The following PLEKHM1 variants were observed in gnomAD, a reference collection of about 807,000 sequenced individuals.
PLEKHM1 encodes pleckstrin homology and RUN domain containing M1.
PLEKHM1 carries 28 observed loss-of-function variants against 94.3 expected under a neutral mutation model. The ratio of observed to expected loss-of-function variants is 0.30; its 90% CI spans 0.22 to 0.41. The LOEUF is 0.41. Ranked by LOEUF, PLEKHM1 falls within the 10% of genes least tolerant of loss-of-function variation. The probability of loss-of-function intolerance (pLI) is 1.00; values close to 1 mark genes in which losing one functional copy is unlikely to be tolerated. For synonymous variants in PLEKHM1, 424 were observed against 581.2 expected, an observed-to-expected ratio of 0.73 and a Z score of 3.89; for missense variants, 907 against 1,358.6, an observed-to-expected ratio of 0.67 and a Z score of 5.22.
chr17:45,449,061 T>G (rs568157946), intron 8 of PLEKHM1, among the ~76,000 whole-genome samples: 2 of 152,180 alleles, frequency 1.3e-5, no homozygotes, highest in Non-Finnish European at 2.9e-5. Flanking sequence ...AACTTTAAAA[T>G]GTTAAACAAT....
rs1029541152 is a variant in PLEKHM1, at chr17:45,436,761, G to T, written c.*1097C>A. On this transcript the variant is annotated 3_prime_UTR_variant, in exon 12 of 12. Coordinates refer to ENST00000430334, the MANE Select transcript of PLEKHM1 (RefSeq NM_014798.3). ...CTGGGCAAGTTCAGTGATGCTTTGG[G>T]AATTCATGGCTTTGTGAGGTGGTGG... 2.2e-6 allele frequency: 1 copy of T among 454,154 alleles called. No individual in the cohort carries two copies. 28.1% of individuals were successfully genotyped at this position (454,154 alleles called of 1,614,324 possible).
chr17:45,435,862 CT>C (rs1267895176), downstream of PLEKHM1: 5 of 429,376 alleles, frequency 1.2e-5, no homozygotes, highest in Non-Finnish European at 2.4e-5. Context: ...GGTCTCCCCC[CT>C]GGCCGTGGCA....
chr17:45,461,375 A>G (rs544751581), intron 5 of PLEKHM1, among the ~76,000 whole-genome samples: 10 of 152,240 alleles, frequency 6.6e-5, no homozygotes, highest in African/African-American at 9.6e-5. Flanking sequence ...TCTGGAGCAC[A>G]TAAGTTGTTA....
At chr17:45,489,422 C>T (rs1275679311) in intron 1 of PLEKHM1, among the ~76,000 whole-genome samples, 2 of 152,156 alleles carry the variant, frequency 1.3e-5, no homozygotes, top group Non-Finnish European at 2.9e-5. Context: ...CTCTCCAGGG[C>T]GAGAACACCA....
At position 45,454,043 on chromosome 17, in the gene PLEKHM1, C is replaced by T. The variant is rs1326051573; in HGVS notation, c.1809G>A (p.Leu603=). Residue 603 remains leucine, a synonymous_variant, in exon 7 of 12, where the codon CTG becomes CTA. Transcript: ENST00000430334. ...CGTCCTGGGAGGAGGCGCGCAGGGC[C>T]AGCTTCTTGCCAGAGAAGACCAGCT... ...RFELVFSGKK[L]ALRASSQDEA... is the part of the protein sequence containing the mutation. 3.7e-6 allele frequency: 6 copies of T among 1,614,052 alleles called. No individual in the cohort carries two copies. Among genetic ancestry groups the T allele is most frequent in the Non-Finnish European group, 4.2e-6 (5 of 1,180,016 alleles).
chr17:45,466,336 G>A (rs1439756772), intron 5 of PLEKHM1, among the ~76,000 whole-genome samples: 2 of 152,160 alleles, frequency 1.3e-5, no homozygotes, highest in East Asian at 1.9e-4. Context: ...AGATCCTTGG[G>A]GGAGATGAAT....
chr17:45,437,788 T>C lies in PLEKHM1; in HGVS notation c.*70A>G. The C allele has an allele frequency of 8.0e-7, 1 of 1,242,938 alleles. No individual in the cohort carries two copies. The highest frequency in any genetic ancestry group is 1.2e-6 in the Non-Finnish European group (1 of 842,620). The allele number at this position is 1,242,938 out of a possible 1,614,324, so 77.0% of individuals were successfully genotyped here. On this transcript the variant is annotated 3_prime_UTR_variant, in exon 12 of 12. Coordinates refer to ENST00000430334, the MANE Select transcript of PLEKHM1 (RefSeq NM_014798.3). This position sits in a 1 kb window ranked among gnomAD's most constrained non-coding sequence, Gnocchi z 4.0. The stretch of plus-strand genomic sequence containing the variant: ...TGACACGGTGAGTATCCTGGGCTGA[T>C]GGCAAACCCAGCCGGGATGGCTGAG...
chr17:45,472,649 T>G (rs538431993), intron 4 of PLEKHM1, among the ~76,000 whole-genome samples: 1 of 152,280 alleles, frequency 6.6e-6, no homozygotes, highest in East Asian at 1.9e-4. Flanking sequence ...TCTATCTAAA[T>G]TCCTCCATTT....
intron 5 of PLEKHM1, among the ~76,000 whole-genome samples, chr17:45,465,796 C>T (rs569510521): frequency 6.6e-6 from 1 of 151,968 alleles, no homozygotes; most frequent in Non-Finnish European, 1.5e-5. Context: ...TGGGTCAGAG[C>T]TTAGTGAGCA....
intron 2 of PLEKHM1, among the ~76,000 whole-genome samples, chr17:45,480,144 T>C (rs2051901430): frequency 6.6e-6 from 1 of 152,238 alleles, no homozygotes; most frequent in Non-Finnish European, 1.5e-5. Flanking sequence ...CAATTGTTTC[T>C]AGTATATTCA....
At chr17:45,483,868 C>T (rs1051757872) in intron 1 of PLEKHM1, among the ~76,000 whole-genome samples, 11 of 152,170 alleles carry the variant, frequency 7.2e-5, no homozygotes, top group African/African-American at 2.4e-4. Flanking sequence ...TAGGAAAACC[C>T]GATTCCTGAG....
At chr17:45,441,501 G>A (rs2050445655) in intron 9 of PLEKHM1, among the ~76,000 whole-genome samples, 1 of 152,226 alleles carries the variant, frequency 6.6e-6, no homozygotes, top group Non-Finnish European at 1.5e-5. Context: ...GGACACAGCA[G>A]GCTGGGGGGA....
rs751177369 is a variant in PLEKHM1, at chr17:45,440,239, C to T, written c.2838-13G>A. Reference sequence around the variant, plus strand: ...CCTGTGGTTGAGCCTTCAAACAAAACACAAGCGATTCTTTAGAAAGGTTTC... The same window carrying T: ...CCTGTGGTTGAGCCTTCAAACAAAATACAAGCGATTCTTTAGAAAGGTTTC... On this transcript the variant is annotated splice_polypyrimidine_tract_variant and intron_variant, in intron 9 of 11. Transcript: ENST00000430334. 1 of 1,613,530 alleles carries T rather than the reference C, an allele frequency of 6.2e-7. No individual in the cohort carries two copies. The highest frequency in any genetic ancestry group is 1.7e-5 in the Admixed American group (1 of 60,028).
At chr17:45,449,614 C>A (rs2050709676) in intron 8 of PLEKHM1, among the ~76,000 whole-genome samples, 2 of 151,870 alleles carry the variant, frequency 1.3e-5, no homozygotes, top group African/African-American at 4.8e-5. Context: ...ATCCACCTAG[C>A]CACCTGCTCA....
intron 5 of PLEKHM1, chr17:45,460,051 G>A (rs953293408): frequency 1.3e-5 from 2 of 151,926 alleles, no homozygotes; most frequent in African/African-American, 4.8e-5. Context: ...TACACAAAGA[G>A]AGGAGAACAC....
chr17:45,440,433 AC>A (rs1289258023), intron 9 of PLEKHM1: 1 of 640,436 alleles, frequency 1.6e-6, no homozygotes, highest in Non-Finnish European at 2.8e-6. Flanking sequence ...TGGGCACGTT[AC>A]TTAACCTCTC....
chr17:45,434,596 C>T (rs552285965), downstream of PLEKHM1, among the ~76,000 whole-genome samples: 3 of 152,110 alleles, frequency 2.0e-5, no homozygotes, highest in East Asian at 5.9e-4. Flanking sequence ...CAGGCACCCG[C>T]CATCATGCCC....
At position 45,468,251 on chromosome 17, in the gene PLEKHM1, G is replaced by A. The variant is rs574761162; in HGVS notation, c.1266C>T (p.Asp422=). 48 of 1,613,116 alleles carry A rather than the reference G, an allele frequency of 3.0e-5. No homozygotes were observed. In the East Asian group the frequency reaches 7.8e-4, roughly 26 times the overall value. The change falls in exon 5 of 12, where the codon GAC becomes GAT. Residue 422 remains aspartate, a synonymous_variant. Coordinates refer to ENST00000430334, the MANE Select transcript of PLEKHM1 (RefSeq NM_014798.3). ...AAACTACCAGCTTCAGACCAGCTCC[G>A]TCATGAGCCTGGGCCTTCTGCAGGC... ...GNGLQKAQAH[D]GAGLKLVVSS... is the part of the protein sequence containing the mutation.
At chr17:45,486,042 C>A (rs568468234) in intron 1 of PLEKHM1, among the ~76,000 whole-genome samples, 1 of 148,606 alleles carries the variant, frequency 6.7e-6, no homozygotes, top group Non-Finnish European at 1.5e-5. Flanking sequence ...CGGTGAAACC[C>A]CGTCTCTACT....
Sources: allele counts gnomAD v4.1 joint callset (sites outside exome capture counted in the v4.1 genomes callset), GRCh38; gene constraint gnomAD v4.1.1; non-coding constraint Gnocchi (gnomAD v3.1); transcripts MANE v1.5; gene names NCBI Gene and HGNC (gene_info 2026-07-23, HGNC 2026-07-21).